NRXN3: variants seen among roughly 807,000 people sequenced by gnomAD.
NRXN3 encodes neurexin 3, also known as neurexin III.
In NRXN3, 32 loss-of-function variants were observed where a neutral mutation model predicts 137.6. The observed-to-expected ratio is 0.23, with a 90% CI of 0.18 to 0.31. The LOEUF is 0.31. NRXN3 is among the 10% of genes least tolerant of loss of function. The pLI is 1.00. For synonymous variants in NRXN3, 798 were observed against 784.5 expected (o/e 1.02, Z -0.29); for missense variants, 1,574 against 2,062.5 (o/e 0.76, Z 4.59).
intron 4 of NRXN3, among the ~76,000 whole-genome samples, chr14:78,307,510 A>G (rs56987456): frequency 6.6e-6 from 1 of 152,126 alleles, no homozygotes; most frequent in Non-Finnish European, 1.5e-5. Flanking sequence ...TGTAAATAGA[A>G]GCAAAAATAT....
At chr14:78,849,184 A>C (rs981170909) in intron 10 of NRXN3, among the ~76,000 whole-genome samples, 2 of 152,140 alleles carry the variant, frequency 1.3e-5, no homozygotes, top group Non-Finnish European at 2.9e-5. Flanking sequence ...CACTTCTGAG[A>C]GTCCTCAGGC....
chr14:79,553,980 T>C (rs1190811560), intron 16 of NRXN3, among the ~76,000 whole-genome samples: 1 of 152,162 alleles, frequency 6.6e-6, no homozygotes, highest in African/African-American at 2.4e-5. Flanking sequence ...GATGGAGTCA[T>C]CTATATCATA....
At chr14:78,299,671 T>A (rs1045047626) in intron 4 of NRXN3, among the ~76,000 whole-genome samples, 1 of 152,214 alleles carries the variant, frequency 6.6e-6, no homozygotes, top group African/African-American at 2.4e-5. Flanking sequence ...GACACACTGA[T>A]GCAGCATGGA....
At chr14:79,667,393 T>C (rs2098567060) in intron 17 of NRXN3, among the ~76,000 whole-genome samples, 1 of 152,006 alleles carries the variant, frequency 6.6e-6, no homozygotes, top group South Asian at 2.1e-4. Context: ...TCTCGGGGAA[T>C]TGTTCCTGCC....
chr14:79,816,581 A>G (rs140314545), intron 20 of NRXN3, among the ~76,000 whole-genome samples: 88 of 152,288 alleles, frequency 5.8e-4, no homozygotes, highest in African/African-American at 2.1e-3. Flanking sequence ...AATGAACAGG[A>G]TATTTCTTAG....
At chr14:78,930,421 T>A (rs1331817843) in intron 10 of NRXN3, among the ~76,000 whole-genome samples, 1 of 152,228 alleles carries the variant, frequency 6.6e-6, no homozygotes, top group Non-Finnish European at 1.5e-5. Flanking sequence ...TAGTATGGTA[T>A]GTTAAGAAGG....
chr14:78,314,893 C>CTT (rs750155165), intron 4 of NRXN3, among the ~76,000 whole-genome samples: 6,242 of 80,114 alleles, frequency 0.078, 505 homozygotes, highest in South Asian at 0.096. Context: ...TTCTTTCTTT[C>CTT]TCTTTCTTTC....
intron 4 of NRXN3, among the ~76,000 whole-genome samples, chr14:78,559,307 T>G (rs17107851): frequency 0.01 from 1,577 of 152,336 alleles, 28 homozygotes; most frequent in Admixed American, 0.039. Flanking sequence ...TTTTACCTTT[T>G]CCATTCAACA....
At chr14:78,204,045 C>T (rs1222253552) in intron 1 of NRXN3, among the ~76,000 whole-genome samples, 1 of 151,904 alleles carries the variant, frequency 6.6e-6, no homozygotes, top group Non-Finnish European at 1.5e-5. Context: ...ATAAAGTACT[C>T]CATTACAGAG....
intron 15 of NRXN3, among the ~76,000 whole-genome samples, chr14:79,101,146 A>G (rs1171542442): frequency 1.3e-5 from 2 of 152,182 alleles, no homozygotes; most frequent in East Asian, 1.9e-4. Context: ...TGCTCTTGAT[A>G]TACAGCCAAC....
intron 16 of NRXN3, among the ~76,000 whole-genome samples, chr14:79,536,814 A>G (rs765895038): frequency 4.6e-5 from 7 of 152,104 alleles, no homozygotes; most frequent in Non-Finnish European, 8.8e-5. Context: ...GCTGCATAGT[A>G]TTCCATGGTA....
chr14:78,406,257 A>G (rs1038851874), intron 4 of NRXN3, among the ~76,000 whole-genome samples: 3 of 152,196 alleles, frequency 2.0e-5, no homozygotes, highest in Admixed American at 6.5e-5. Context: ...GAGAAGATCA[A>G]TGTGACCAAG....
chr14:79,486,451 T>A, intron 16 of NRXN3, among the ~76,000 whole-genome samples: 1 of 152,222 alleles, frequency 6.6e-6, no homozygotes, highest in Non-Finnish European at 1.5e-5. Context: ...GAACCAACCT[T>A]GGCACCCCTG....
chr14:78,236,566 A>G (rs1344411609), intron 1 of NRXN3, among the ~76,000 whole-genome samples: 2 of 152,200 alleles, frequency 1.3e-5, no homozygotes, highest in Non-Finnish European at 2.9e-5. Flanking sequence ...GACATTTGTA[A>G]GCATTTCTGT....
At position 78,751,807 on chromosome 14, in the gene NRXN3, T is replaced by A. The variant is rs1174015358; in HGVS notation, c.2044+36668T>A. Among the ~76,000 whole-genome samples, 3 of 152,164 alleles carry A rather than the reference T, an allele frequency of 2.0e-5. No homozygotes were observed. The East Asian group carries it at 5.8e-4, about 29-fold the overall frequency. ...CTGCTGGAGGAGCAGCAGTAGCACC[T>A]GGGAGCTTGTTAGAAATGCAAAATC... On this transcript the variant is annotated intron_variant, in intron 8 of 20. Transcript: ENST00000335750.
At chr14:79,552,014 T>G (rs2097377559) in intron 16 of NRXN3, among the ~76,000 whole-genome samples, 1 of 152,190 alleles carries the variant, frequency 6.6e-6, no homozygotes, top group South Asian at 2.1e-4. Flanking sequence ...GATCCCTGTA[T>G]ATGGAGTCTT....
intron 16 of NRXN3, among the ~76,000 whole-genome samples, chr14:79,656,612 CTCTCT>C (rs916167310): frequency 8.8e-5 from 13 of 147,346 alleles, no homozygotes; most frequent in Non-Finnish European, 1.9e-4. Context: ...TACTCTCTCT[CTCTCT>C]TTTTTTTTTT....
chr14:78,949,334 C>T (rs2099381379), intron 10 of NRXN3, among the ~76,000 whole-genome samples: 1 of 152,100 alleles, frequency 6.6e-6, no homozygotes, highest in Non-Finnish European at 1.5e-5. Context: ...GTATTTACTA[C>T]TATATGGAAT....
chr14:78,573,943 A>T (rs551894194), intron 4 of NRXN3, among the ~76,000 whole-genome samples: 7 of 152,200 alleles, frequency 4.6e-5, no homozygotes, highest in African/African-American at 1.4e-4. Flanking sequence ...GGAGGAAAAA[A>T]TGGTTTCATG....
Sources: gnomAD v4.1 joint callset for allele counts (sites outside exome capture counted in the v4.1 genomes callset) on GRCh38, gnomAD v4.1.1 for gene constraint, MANE v1.5 for transcripts, NCBI Gene and HGNC (gene_info 2026-07-23, HGNC 2026-07-21) for gene names.